The following CCNJL variants were observed in gnomAD, a reference collection of about 807,000 sequenced individuals.
CCNJL encodes cyclin J like.
CCNJL carries 33 observed loss-of-function variants against 33.4 expected under a neutral mutation model. The ratio of observed to expected loss-of-function variants is 0.99; its 90% CI spans 0.75 to 1.32. CCNJL has a LOEUF of 1.32. Ranked by LOEUF, CCNJL falls within the 40% of genes most tolerant of loss-of-function variation. The pLI is 0.00. For missense variants in CCNJL, 512 were observed against 499.7 expected (o/e 1.02, Z -0.23); for synonymous variants, 227 against 220.9 (o/e 1.03, Z -0.24).
intron 1 of CCNJL, among the ~76,000 whole-genome samples, chr5:160,328,740 C>T (rs1472339417): frequency 6.6e-6 from 1 of 150,846 alleles, no homozygotes; most frequent in Non-Finnish European, 1.5e-5. Flanking sequence ...ATTAGCCGTG[C>T]GTGGTGGTAT....
intron 5 of CCNJL, chr5:160,254,370 T>C: frequency 3.0e-6 from 2 of 656,478 alleles, no homozygotes; most frequent in African/African-American, 1.8e-5. Flanking sequence ...CAAAAAAAGC[T>C]TCCCATATAG....
intron 3 of CCNJL, among the ~76,000 whole-genome samples, chr5:160,261,521 C>T (rs1039034377): frequency 5.9e-5 from 9 of 152,176 alleles, no homozygotes; most frequent in African/African-American, 1.9e-4. Flanking sequence ...CAGGCCAACG[C>T]GAGGTCAAAG....
chr5:160,256,453 T>C (rs1416411768), intron 4 of CCNJL, among the ~76,000 whole-genome samples: 1 of 152,204 alleles, frequency 6.6e-6, no homozygotes, highest in South Asian at 2.1e-4. Context: ...TGTAAGACTT[T>C]GATATTTATA....
intron 1 of CCNJL, among the ~76,000 whole-genome samples, chr5:160,320,844 TCTTTC>T (rs1763438485): frequency 1.1e-5 from 1 of 89,620 alleles, no homozygotes; most frequent in Non-Finnish European, 2.6e-5. Flanking sequence ...TTTCTTTCTT[TCTTTC>T]CTTCTTTCTT....
chr5:160,314,675 T>C (rs972521149), upstream of CCNJL, among the ~76,000 whole-genome samples: 1 of 152,230 alleles, frequency 6.6e-6, no homozygotes, highest in African/African-American at 2.4e-5. Context: ...TTTTAACAAA[T>C]GTGACAAAAG....
rs1760849352 is a variant in CCNJL at position 160,252,488 on chromosome 5, A to G, written c.*890T>C. On this transcript the variant is annotated 3_prime_UTR_variant, in exon 6 of 6. Transcript: ENST00000257536. ...CTCCCTGGGTAGTTATTAAAGTTCT[A>G]GTGGTGAACACAGCCTCCAAGACGT... 1 of 152,348 alleles carries G rather than the reference A, an allele frequency of 6.6e-6. No homozygotes were observed. 9.4% of individuals were successfully genotyped at this position (152,348 alleles called of 1,614,324 possible). A position where few individuals can be genotyped will look rare whatever the true frequency, so the allele number is the denominator to read the frequency against.
intron 2 of CCNJL, among the ~76,000 whole-genome samples, chr5:160,300,120 C>T (rs17057617): frequency 0.096 from 14,653 of 152,166 alleles, 776 homozygotes; most frequent in South Asian, 0.2. Flanking sequence ...TAGCAGCTGG[C>T]GGCATGGCAT....
At chr5:160,316,719 C>A (rs773542708), upstream of CCNJL, among the ~76,000 whole-genome samples, 5 of 152,198 alleles carry the variant, frequency 3.3e-5, no homozygotes, top group Non-Finnish European at 4.4e-5. Flanking sequence ...CTCTACACAT[C>A]CTTGTGTGCC....
intron 3 of CCNJL, among the ~76,000 whole-genome samples, chr5:160,266,781 C>T (rs1761613267): frequency 6.6e-6 from 1 of 152,156 alleles, no homozygotes; most frequent in African/African-American, 2.4e-5. Context: ...GAAAAAGGGG[C>T]TGAAAAAGGC....
chr5:160,288,085 C>G (rs1318383869), intron 2 of CCNJL, among the ~76,000 whole-genome samples: 1 of 152,124 alleles, frequency 6.6e-6, no homozygotes, highest in Non-Finnish European at 1.5e-5. Context: ...CTTACAAAAA[C>G]CCCTGCTTTT....
At chr5:160,327,447 C>T (rs1035034009) in intron 1 of CCNJL, among the ~76,000 whole-genome samples, 1 of 152,214 alleles carries the variant, frequency 6.6e-6, no homozygotes, top group Non-Finnish European at 1.5e-5. Flanking sequence ...GCCACTTGGG[C>T]CACCACTGAG....
intron 3 of CCNJL, among the ~76,000 whole-genome samples, chr5:160,262,629 C>G (rs1474859232): frequency 6.6e-6 from 1 of 152,214 alleles, no homozygotes; most frequent in East Asian, 1.9e-4. Context: ...TGCACTTGCT[C>G]GTGGCAGGAA....
chr5:160,280,793 C>T lies in CCNJL; in HGVS notation c.67-55G>A, dbSNP rs781320174. The T allele has an allele frequency of 8.9e-6, 11 of 1,230,618 alleles. No individual in the cohort carries two copies. The South Asian group carries it at 1.1e-4, about 13-fold the overall frequency. The allele number at this position is 1,230,618 out of a possible 1,614,324, so 76.2% of individuals were successfully genotyped here. A position where few individuals can be genotyped will look rare whatever the true frequency, so the allele number is the denominator to read the frequency against. On this transcript the variant is annotated intron_variant, in intron 2 of 5. Coordinates refer to ENST00000257536, the MANE Select transcript of CCNJL (RefSeq NM_001308173.3). The stretch of plus-strand genomic sequence containing the variant: ...GGTCAGGGCTGCCTCCTGAGAGTCT[C>T]GGCTGTCCCAGGAAATGGGACCTCA...
At chr5:160,301,944 G>A (rs1414569849) in intron 2 of CCNJL, among the ~76,000 whole-genome samples, 1 of 151,296 alleles carries the variant, frequency 6.6e-6, no homozygotes, top group Non-Finnish European at 1.5e-5. Flanking sequence ...TGGCCAGGCA[G>A]GTCTCGAACT....
chr5:160,298,747 T>G (rs575723042), intron 2 of CCNJL, among the ~76,000 whole-genome samples: 1 of 152,278 alleles, frequency 6.6e-6, no homozygotes, highest in South Asian at 2.1e-4. Context: ...GGCTAAAGCA[T>G]ATTATAATCC....
Position 160,274,367 on chromosome 5 carries a change from G to A in CCNJL, c.280+6158C>T, listed in dbSNP as rs535290263. Among the ~76,000 whole-genome samples, 18 of 152,170 alleles carry A rather than the reference G, an allele frequency of 1.2e-4. No homozygotes were observed. In the East Asian group the frequency reaches 1.9e-3, roughly 16 times the overall value. ...CCAGCTACTCAGGAGGCTGAAGCACGAGAATCACCTGAACCCAGGAGGCAG... is the reference window on the plus strand; with the variant it reads ...CCAGCTACTCAGGAGGCTGAAGCACAAGAATCACCTGAACCCAGGAGGCAG... On this transcript the variant is annotated intron_variant, in intron 3 of 5. Transcript: ENST00000257536.
At chr5:160,315,545 C>T, upstream of CCNJL, 1 of 174,160 alleles carries the variant, frequency 5.7e-6, no homozygotes, top group Non-Finnish European at 1.4e-5. Flanking sequence ...AATAAGCTGT[C>T]TTTAAGGGGA....
At chr5:160,288,873 C>T (rs1762495233) in intron 2 of CCNJL, among the ~76,000 whole-genome samples, 1 of 151,724 alleles carries the variant, frequency 6.6e-6, no homozygotes. Context: ...ACTCATATTC[C>T]CTCACTTAGA....
intron 2 of CCNJL, among the ~76,000 whole-genome samples, chr5:160,304,154 C>T (rs1173555262): frequency 1.3e-5 from 2 of 152,192 alleles, no homozygotes; most frequent in African/African-American, 2.4e-5. Context: ...GCACTGAGAC[C>T]ATGTCTTGAC....
Sources: allele counts gnomAD v4.1 joint callset (sites outside exome capture counted in the v4.1 genomes callset), GRCh38; gene constraint gnomAD v4.1.1; transcripts MANE v1.5; gene names NCBI Gene and HGNC (gene_info 2026-07-23, HGNC 2026-07-21).